RASEF: variants seen among roughly 807,000 people sequenced by gnomAD.
The protein encoded by RASEF is ras and EF-hand domain-containing protein.
A neutral mutation model predicts 90.1 loss-of-function variants in RASEF; 68 were observed. That is an observed-to-expected ratio of 0.75 (90% confidence interval 0.62 to 0.92). The LOEUF is 0.92. RASEF is among the 40% of genes least tolerant of loss of function. RASEF has a pLI of 0.00. For synonymous variants in RASEF, 331 were observed against 345.2 expected (o/e 0.96, Z 0.46); for missense variants, 949 against 937.2 (o/e 1.01, Z -0.16).
chr9:83,211,757 C>G, the RASEF span, among the ~76,000 whole-genome samples: 1 of 152,146 alleles, frequency 6.6e-6, no homozygotes, highest in South Asian at 2.1e-4. Context: ...ATTGTCTAGG[C>G]CACTTGTGCC....
the RASEF span, among the ~76,000 whole-genome samples, chr9:83,196,868 T>C: frequency 1.3e-5 from 2 of 152,212 alleles, no homozygotes; most frequent in East Asian, 1.9e-4. Flanking sequence ...ACTGCAGACA[T>C]GAAAATCCAA....
chr9:83,187,113 C>T, the RASEF span, among the ~76,000 whole-genome samples: 1 of 152,170 alleles, frequency 6.6e-6, no homozygotes, highest in African/African-American at 2.4e-5. Flanking sequence ...AAACCCTAAA[C>T]TGTTCACCCA....
At position 83,007,433 on chromosome 9, in the gene RASEF, T is replaced by C. The variant is rs1257043802; in HGVS notation, c.1028+4A>G. ...TGTAATGAGCATTTGATCTGCGGAC[T>C]TACTGGAGTATTTCAATTTGCCTCT... On this transcript the variant is annotated splice_donor_region_variant and intron_variant, in intron 7 of 16. Coordinates refer to ENST00000376447, the MANE Select transcript of RASEF (RefSeq NM_152573.4). 1 of 1,602,062 alleles carries C rather than the reference T, an allele frequency of 6.2e-7. No homozygotes were observed. Among genetic ancestry groups the C allele is most frequent in the Non-Finnish European group, 8.6e-7 (1 of 1,169,006 alleles).
intron 15 of RASEF, among the ~76,000 whole-genome samples, chr9:82,990,837 T>C (rs951624849): frequency 6.6e-5 from 10 of 152,196 alleles, no homozygotes; most frequent in Non-Finnish European, 1.2e-4. Context: ...AGAGTCTGTT[T>C]CCCTTTGGCC....
chr9:83,013,549 T>G (rs1829288243), intron 4 of RASEF, among the ~76,000 whole-genome samples: 1 of 152,334 alleles, frequency 6.6e-6, no homozygotes, highest in South Asian at 2.1e-4. Context: ...TGTAACAAAT[T>G]TGTAAACTAT....
At position 82,982,795 on chromosome 9, in the gene RASEF, TAGAGAGAGACAGAG is replaced by T; in HGVS notation, c.2118-27_2118-14del. 7.5e-7 allele frequency: 1 copy of T among 1,335,704 alleles called. No individual in the cohort carries two copies. The highest frequency in any genetic ancestry group is 1.1e-6 in the Non-Finnish European group (1 of 945,960). 82.7% of individuals were successfully genotyped at this position (1,335,704 alleles called of 1,614,324 possible). On this transcript the variant is annotated splice_polypyrimidine_tract_variant and intron_variant, in intron 16 of 16. Transcript: ENST00000376447. ...CTTTTTCACTTCTCTGAGACAGAGA[TAGAGAGAGACAGAG>T]AGAGAGAGAGAGAGAGAGAGAGAGG...
chr9:83,016,762 G>A (rs554581180), intron 3 of RASEF, among the ~76,000 whole-genome samples: 1 of 152,272 alleles, frequency 6.6e-6, no homozygotes, highest in East Asian at 1.9e-4. Context: ...CTGCTAGAGA[G>A]TAAGGTAGGG....
chr9:82,996,982 A>C, intron 14 of RASEF, 30 bp downstream of exon 14: 2 of 1,311,926 alleles, frequency 1.5e-6, no homozygotes, highest in Non-Finnish European at 2.2e-6. Context: ...TCCTCGTGTA[A>C]TTTTCTGTTT....
chr9:83,100,705 C>T, the RASEF span, among the ~76,000 whole-genome samples: 899 of 152,272 alleles, frequency 5.9e-3, 5 homozygotes, highest in Middle Eastern at 0.01. Context: ...TCTTGCAACT[C>T]CTAGAACCTC....
At chr9:83,089,201 C>T in the RASEF span, among the ~76,000 whole-genome samples, 202 of 152,118 alleles carry the variant, frequency 1.3e-3, no homozygotes, top group Non-Finnish European at 2.4e-3. Flanking sequence ...TGTTCTCTTG[C>T]TACTACATGC....
the RASEF span, among the ~76,000 whole-genome samples, chr9:83,186,420 T>G: frequency 6.6e-6 from 1 of 152,166 alleles, no homozygotes. Flanking sequence ...TCTCTGTTAT[T>G]TAAATATTCC....
upstream of RASEF, among the ~76,000 whole-genome samples, chr9:83,068,035 C>G (rs1273598444): frequency 6.6e-6 from 1 of 152,116 alleles, no homozygotes; most frequent in Non-Finnish European, 1.5e-5. Context: ...CACCACTACT[C>G]CCAGTTAATT....
At chr9:83,121,533 GT>G in the RASEF span, among the ~76,000 whole-genome samples, 1 of 152,098 alleles carries the variant, frequency 6.6e-6, no homozygotes, top group South Asian at 2.1e-4. Context: ...TCACTAAAAC[GT>G]AATTATGTTT....
At chr9:83,185,092 C>T in the RASEF span, among the ~76,000 whole-genome samples, 10 of 152,252 alleles carry the variant, frequency 6.6e-5, 2 homozygotes, top group South Asian at 2.1e-3. Flanking sequence ...CTGCTTTCTA[C>T]AAAGCCTGAA....
At chr9:83,181,440 T>C in the RASEF span, among the ~76,000 whole-genome samples, 1 of 152,180 alleles carries the variant, frequency 6.6e-6, no homozygotes. Flanking sequence ...AAGAGATCTT[T>C]GGATTTTGAA....
chr9:83,052,123 C>A (rs1830026122), intron 1 of RASEF, among the ~76,000 whole-genome samples: 1 of 120,902 alleles, frequency 8.3e-6, no homozygotes, highest in Non-Finnish European at 1.6e-5. Flanking sequence ...GGAATGGTAC[C>A]AGTTCCTCCT....
the RASEF span, among the ~76,000 whole-genome samples, chr9:83,153,011 T>C: frequency 6.6e-6 from 1 of 152,190 alleles, no homozygotes; most frequent in East Asian, 1.9e-4. Context: ...AAATACTCTG[T>C]GCTGCTTAAT....
chr9:83,083,913 T>G, the RASEF span, among the ~76,000 whole-genome samples: 1 of 152,152 alleles, frequency 6.6e-6, no homozygotes, highest in Non-Finnish European at 1.5e-5. Flanking sequence ...CAATCAAAGA[T>G]GCAAATACCT....
At chr9:83,076,965 A>G in the RASEF span, among the ~76,000 whole-genome samples, 722 of 152,210 alleles carry the variant, frequency 4.7e-3, 3 homozygotes, top group African/African-American at 0.017. Flanking sequence ...TTTTCCAAAT[A>G]TTTTTCACTT....
Sources: gnomAD v4.1 joint callset for allele counts (sites outside exome capture counted in the v4.1 genomes callset) on GRCh38, gnomAD v4.1.1 for gene constraint, MANE v1.5 for transcripts, NCBI Gene and HGNC (gene_info 2026-07-23, HGNC 2026-07-21) for gene names.